LARGE1: variants seen among roughly 807,000 people sequenced by gnomAD.
The protein encoded by LARGE1 is xylosyl- and glucuronyltransferase LARGE1.
Under a neutral mutation model 87.6 loss-of-function variants are expected in LARGE1, and 43 were observed. The observed-to-expected ratio is 0.49, with a 90% confidence interval of 0.38 to 0.63. The LOEUF (loss-of-function observed/expected upper bound fraction) is 0.63. LARGE1 is among the 30% of genes least tolerant of loss of function. The probability of loss-of-function intolerance (pLI) is 0.00; values close to 1 mark genes in which losing one functional copy is unlikely to be tolerated. For synonymous variants in LARGE1, 434 were observed against 394.6 expected, an observed-to-expected ratio of 1.10 and a Z score of -1.18; for missense variants, 802 against 1,000.2, an observed-to-expected ratio of 0.80 and a Z score of 2.67.
At chr22:33,504,268 T>A (rs1166936323) in intron 6 of LARGE1, among the ~76,000 whole-genome samples, 1 of 152,188 alleles carries the variant, frequency 6.6e-6, no homozygotes, top group African/African-American at 2.4e-5. Flanking sequence ...AATTTTTATT[T>A]ATTTATTTTT....
rs575504806 is a variant in LARGE1 at position 33,559,593 on chromosome 22, CCT to C, written c.787+5253_787+5254del. 4.9e-3 allele frequency among the ~76,000 whole-genome samples: 739 copies of C among 152,326 alleles called. 4 individuals carry two copies. Among genetic ancestry groups the C allele is most frequent in the African/African-American group, 0.017 (696 of 41,568 alleles). ...TACAGCTGTCATGAGGTAATCACCT[CCT>C]AAAGGCTCTACTCTTAACGCCATTG... On this transcript the variant is annotated intron_variant, in intron 6 of 14. Transcript: ENST00000397394.
At chr22:33,894,168 T>C (rs2065075049) in intron 1 of LARGE1, among the ~76,000 whole-genome samples, 1 of 152,068 alleles carries the variant, frequency 6.6e-6, no homozygotes, top group Admixed American at 6.5e-5. Context: ...CCTAAGGCTG[T>C]GTCTTCTCTA....
intron 9 of LARGE1, among the ~76,000 whole-genome samples, chr22:33,372,272 TTCAAAATTTTTGGCTTCC>T (rs2064838701): frequency 6.6e-6 from 1 of 152,110 alleles, no homozygotes; most frequent in Non-Finnish European, 1.5e-5. Flanking sequence ...TGACAGAGAA[TTCAAAATTTTTGGCTTCC>T]TAGGTTTTCA....
chr22:33,482,205 G>C (rs1453572567), intron 6 of LARGE1, among the ~76,000 whole-genome samples: 1 of 152,206 alleles, frequency 6.6e-6, no homozygotes, highest in Non-Finnish European at 1.5e-5. Context: ...TGACTTGCAA[G>C]AAAGGTCATA....
intron 1 of LARGE1, among the ~76,000 whole-genome samples, chr22:33,862,404 C>T (rs571850145): frequency 9.8e-5 from 15 of 152,320 alleles, no homozygotes; most frequent in African/African-American, 3.4e-4. Context: ...TTGAACAATA[C>T]AGGCGATCTT....
chr22:33,715,185 T>C (rs1036616166), intron 2 of LARGE1, among the ~76,000 whole-genome samples: 1 of 152,212 alleles, frequency 6.6e-6, no homozygotes, highest in Admixed American at 6.5e-5. Flanking sequence ...AGTAGTTGTA[T>C]GAGATCACCC....
the LARGE1 span, among the ~76,000 whole-genome samples, chr22:33,136,934 T>TCAAAAAAA: frequency 6.8e-6 from 1 of 147,810 alleles, no homozygotes; most frequent in African/African-American, 2.5e-5. Context: ...AATATTAAGG[T>TCAAAAAAA]AAAAAAAAAA....
chr22:33,745,549 C>G (rs73885506), intron 2 of LARGE1, among the ~76,000 whole-genome samples: 2,724 of 152,280 alleles, frequency 0.018, 82 homozygotes, highest in African/African-American at 0.062. Flanking sequence ...AAGAACCAAT[C>G]TGCCCCCAAA....
At chr22:33,207,937 A>G (rs1924767234) in intron 11 of LARGE1, among the ~76,000 whole-genome samples, 1 of 152,162 alleles carries the variant, frequency 6.6e-6, no homozygotes, top group Non-Finnish European at 1.5e-5. Context: ...TATTTTCACA[A>G]ATTCCATTGA....
chr22:33,102,889 T>C, the LARGE1 span, among the ~76,000 whole-genome samples: 256 of 152,214 alleles, frequency 1.7e-3, 9 homozygotes, highest in East Asian at 0.043. Context: ...TGTGTCTGGG[T>C]GGAAATCTGC....
chr22:33,776,893 C>T (rs923796256), intron 1 of LARGE1, among the ~76,000 whole-genome samples: 4 of 152,146 alleles, frequency 2.6e-5, no homozygotes, highest in Admixed American at 1.3e-4. Context: ...AAGGCACCTA[C>T]TGACTGGGGT....
chr22:33,218,717 T>C (rs973003144), intron 11 of LARGE1, among the ~76,000 whole-genome samples: 9 of 152,334 alleles, frequency 5.9e-5, no homozygotes, highest in Middle Eastern at 3.4e-3. Context: ...TAGGCAGTGT[T>C]AGCTCCATTT....
chr22:33,145,639 T>C, the LARGE1 span, among the ~76,000 whole-genome samples: 3 of 152,182 alleles, frequency 2.0e-5, no homozygotes, highest in African/African-American at 7.2e-5. Flanking sequence ...CTGTATTCTA[T>C]GGGTATTTGC....
At chr22:33,302,954 G>A (rs946444227) in intron 12 of LARGE1, among the ~76,000 whole-genome samples, 9 of 152,134 alleles carry the variant, frequency 5.9e-5, no homozygotes, top group African/African-American at 1.4e-4. Flanking sequence ...ACCTCTCATG[G>A]TACCTGGATC....
chr22:33,273,895 A>G lies in LARGE1; in HGVS notation c.*532T>C. On this transcript the variant is annotated 3_prime_UTR_variant, in exon 15 of 15. Coordinates refer to ENST00000397394, the MANE Select transcript of LARGE1 (RefSeq NM_133642.5). Reference sequence around the variant, plus strand: ...AGGACCCTCTGGTTACAATGTCCCCATTGGGTTTTTCCAAGTGGTTGGTTT... The same window carrying G: ...AGGACCCTCTGGTTACAATGTCCCCGTTGGGTTTTTCCAAGTGGTTGGTTT... 2.7e-6 allele frequency: 1 copy of G among 371,136 alleles called. No individual in the cohort carries two copies. The highest frequency in any genetic ancestry group is 4.1e-5 in the East Asian group (1 of 24,448). The allele number at this position is 371,136 out of a possible 1,614,324, so 23.0% of individuals were successfully genotyped here. A position where few individuals can be genotyped will look rare whatever the true frequency, so the allele number is the denominator to read the frequency against.
intron 2 of LARGE1, among the ~76,000 whole-genome samples, chr22:33,680,873 A>C (rs2081747149): frequency 6.6e-6 from 1 of 152,194 alleles, no homozygotes; most frequent in Admixed American, 6.5e-5. Context: ...GCAGAAGTGA[A>C]ATTGAAGTGC....
At chr22:33,393,204 C>T (rs1175703571) in intron 7 of LARGE1, among the ~76,000 whole-genome samples, 1 of 152,164 alleles carries the variant, frequency 6.6e-6, no homozygotes, top group East Asian at 1.9e-4. Context: ...TAGGAGTTTG[C>T]ACTCAGGTCA....
intron 7 of LARGE1, among the ~76,000 whole-genome samples, chr22:33,412,048 C>T (rs1569141086): frequency 6.6e-6 from 1 of 152,176 alleles, no homozygotes; most frequent in African/African-American, 2.4e-5. Context: ...CTTTGGGAGG[C>T]TGAGGCGGGC....
intron 2 of LARGE1, among the ~76,000 whole-genome samples, chr22:33,728,205 A>G (rs1381731791): frequency 2.0e-5 from 3 of 152,084 alleles, no homozygotes. Context: ...TATGCAGGCT[A>G]TTCCTCCAGC....
Sources: gnomAD v4.1 joint callset for allele counts (sites outside exome capture counted in the v4.1 genomes callset) on GRCh38, gnomAD v4.1.1 for gene constraint, MANE v1.5 for transcripts, NCBI Gene and HGNC (gene_info 2026-07-23, HGNC 2026-07-21) for gene names.